The following LEF1 variants were observed in gnomAD, a reference collection of about 807,000 sequenced individuals.
The protein encoded by LEF1 is lymphoid enhancer-binding factor 1.
LEF1 carries 14 observed loss-of-function variants against 51.2 expected under a neutral mutation model. The ratio of observed to expected loss-of-function variants is 0.27; its 90% CI spans 0.18 to 0.43. LEF1 has a LOEUF of 0.43. LEF1 is among the 20% of genes least tolerant of loss of function. The pLI, the probability that LEF1 is intolerant of heterozygous loss-of-function variation, is 1.00. For synonymous variants in LEF1, 185 were observed against 183.2 expected (o/e 1.01, Z -0.08); for missense variants, 386 against 512.0 (o/e 0.75, Z 2.37).
chr4:108,076,668 G>A (rs536050027), intron 8 of LEF1, among the ~76,000 whole-genome samples: 66 of 152,272 alleles, frequency 4.3e-4, no homozygotes, highest in Non-Finnish European at 7.8e-4. Context: ...ATGAGCCACC[G>A]TGCCCAGTGG....
intron 1 of LEF1, chr4:108,166,532 G>C: frequency 7.7e-7 from 1 of 1,297,158 alleles, no homozygotes; most frequent in Non-Finnish European, 9.8e-7. Context: ...GGAGTGTCGG[G>C]TATCAGGGTC....
rs1560839539 is a variant in LEF1, at chr4:108,167,989, G to C, written c.-222C>G. On this transcript the variant is annotated 5_prime_UTR_variant, in exon 1 of 12. Coordinates refer to ENST00000265165, the MANE Select transcript of LEF1 (RefSeq NM_016269.5). This position sits in a 1 kb window ranked among gnomAD's most constrained non-coding sequence, Gnocchi z 5.7. ...GGCGGCCGCCGCGCTTTCCCGCTTC[G>C]CGGAGACCGACGCAGGCGCCCGCCC... 1.4e-5 allele frequency: 3 copies of C among 219,776 alleles called. No homozygotes were observed. The highest frequency in any genetic ancestry group is 4.6e-5 in the African/African-American group (2 of 43,118). 13.6% of individuals were successfully genotyped at this position (219,776 alleles called of 1,614,324 possible). A position where few individuals can be genotyped will look rare whatever the true frequency, so the allele number is the denominator to read the frequency against.
At chr4:108,110,880 G>A (rs937221800) in intron 3 of LEF1, among the ~76,000 whole-genome samples, 2 of 152,144 alleles carry the variant, frequency 1.3e-5, no homozygotes, top group African/African-American at 4.8e-5. Flanking sequence ...GTAGGTCCTA[G>A]AACCATAATA....
At chr4:108,130,182 T>C (rs181511407) in intron 3 of LEF1, among the ~76,000 whole-genome samples, 21 of 152,130 alleles carry the variant, frequency 1.4e-4, no homozygotes, top group Non-Finnish European at 2.1e-4. Flanking sequence ...AGAGCAGCAA[T>C]TGGAATTAAG....
chr4:108,082,349 C>T (rs541953365), intron 5 of LEF1, among the ~76,000 whole-genome samples: 1 of 152,096 alleles, frequency 6.6e-6, no homozygotes, highest in South Asian at 2.1e-4. Context: ...AATAATTGAT[C>T]TAGGTTTGAA....
At chr4:108,147,121 C>T (rs1342945354) in intron 3 of LEF1, among the ~76,000 whole-genome samples, 1 of 151,798 alleles carries the variant, frequency 6.6e-6, no homozygotes, top group South Asian at 2.1e-4. Context: ...GAGAGAGGCC[C>T]GGGAGGGAGG....
intron 3 of LEF1, among the ~76,000 whole-genome samples, chr4:108,127,697 G>A (rs987469901): frequency 1.3e-5 from 2 of 152,050 alleles, no homozygotes; most frequent in African/African-American, 4.8e-5. Context: ...CGTGACTGTA[G>A]GAAACCAAAG....
intron 4 of LEF1, among the ~76,000 whole-genome samples, chr4:108,084,442 T>A (rs1319770326): frequency 6.6e-6 from 1 of 152,242 alleles, no homozygotes; most frequent in Non-Finnish European, 1.5e-5. Flanking sequence ...TGGAATTAGA[T>A]GAGTACATGG....
intron 7 of LEF1, among the ~76,000 whole-genome samples, chr4:108,079,176 C>T (rs1162180270): frequency 6.6e-6 from 1 of 152,130 alleles, no homozygotes; most frequent in Non-Finnish European, 1.5e-5. Context: ...CCCCAATAAT[C>T]TGAACCAAAT....
chr4:108,051,834 C>T (rs1288638777), intron 11 of LEF1, among the ~76,000 whole-genome samples: 1 of 151,968 alleles, frequency 6.6e-6, no homozygotes, highest in African/African-American at 2.4e-5. Flanking sequence ...GAGTTCCTTA[C>T]TAAAAGCCCA....
chr4:108,064,474 A>G, intron 9 of LEF1, 90 bp from the exon 10 acceptor site: 1 of 897,022 alleles, frequency 1.1e-6, no homozygotes, highest in Non-Finnish European at 1.8e-6. Flanking sequence ...GGTGGTCAAC[A>G]AAGAGGTAAA....
At chr4:108,056,864 A>C (rs1442748277) in intron 11 of LEF1, among the ~76,000 whole-genome samples, 5 of 151,460 alleles carry the variant, frequency 3.3e-5, no homozygotes, top group Non-Finnish European at 7.4e-5. Flanking sequence ...ACTGTGGTAA[A>C]ATGGCAGCAC....
At chr4:108,049,420 G>C (rs1736833158) in intron 11 of LEF1, among the ~76,000 whole-genome samples, 1 of 152,112 alleles carries the variant, frequency 6.6e-6, no homozygotes, top group African/African-American at 2.4e-5. Context: ...TCAAATAAGA[G>C]AACTCCCACA....
chr4:108,158,208 A>G (rs183699102), intron 3 of LEF1, among the ~76,000 whole-genome samples: 3 of 152,358 alleles, frequency 2.0e-5, no homozygotes, highest in South Asian at 4.1e-4. Context: ...AAAAGTAATC[A>G]TGAACCTAAA....
At chr4:108,104,959 G>A (rs1741060187) in intron 3 of LEF1, among the ~76,000 whole-genome samples, 1 of 152,074 alleles carries the variant, frequency 6.6e-6, no homozygotes. Context: ...GTTCTCAGCT[G>A]CCAGGTGAGA....
intron 3 of LEF1, among the ~76,000 whole-genome samples, chr4:108,123,649 G>C (rs1742326835): frequency 6.6e-6 from 1 of 151,852 alleles, no homozygotes; most frequent in African/African-American, 2.4e-5. Flanking sequence ...TTGGATATGT[G>C]TATGCATGTT....
rs184494948 is a variant in LEF1, at chr4:108,085,623, T to C, written c.548-2177A>G. Among the ~76,000 whole-genome samples, 13 of 152,210 alleles carry C rather than the reference T, an allele frequency of 8.5e-5. No homozygotes were observed. The East Asian group carries it at 2.1e-3, about 25-fold the overall frequency. On this transcript the variant is annotated intron_variant, in intron 4 of 11. Transcript: ENST00000265165. ...AGAAGTGATTCAACAGAACAAAAAA[T>C]ACCAACTAGTTGGATGTCACTCTTC...
At chr4:108,099,570 G>GTATATA (rs551521155) in intron 3 of LEF1, among the ~76,000 whole-genome samples, 59 of 70,164 alleles carry the variant, frequency 8.4e-4, no homozygotes, top group East Asian at 7.0e-3. Context: ...GTGTGTGTGT[G>GTATATA]TATATATATA....
chr4:108,154,288 C>T (rs569133707), intron 3 of LEF1, among the ~76,000 whole-genome samples: 6 of 151,182 alleles, frequency 4.0e-5, no homozygotes, highest in African/African-American at 9.7e-5. Context: ...CTTAAGGAAC[C>T]GTATTAAATT....
Sources: allele counts gnomAD v4.1 joint callset (sites outside exome capture counted in the v4.1 genomes callset), GRCh38; gene constraint gnomAD v4.1.1; non-coding constraint Gnocchi (gnomAD v3.1); transcripts MANE v1.5; gene names NCBI Gene and HGNC (gene_info 2026-07-23, HGNC 2026-07-21).